The following ATG13 variants were observed in gnomAD, a reference collection of about 807,000 sequenced individuals.
ATG13 encodes the protein autophagy-related protein 13.
ATG13 carries 23 observed loss-of-function variants against 65.5 expected under a neutral mutation model. The observed-to-expected ratio is 0.35, with a 90% CI of 0.25 to 0.50. The LOEUF is 0.50. Among genes scored for constraint, ATG13 ranks in the 20% least tolerant of loss-of-function variants. The pLI is 0.98. For missense variants in ATG13, 566 were observed against 677.0 expected (o/e 0.84, Z 1.82); for synonymous variants, 252 against 245.2 (o/e 1.03, Z -0.26).
chr11:46,640,975 T>A (rs190202160), intron 2 of ATG13, among the ~76,000 whole-genome samples: 2 of 152,358 alleles, frequency 1.3e-5, no homozygotes, highest in Admixed American at 1.3e-4. Context: ...TTCCTGACTT[T>A]GTCTCTGATA....
At chr11:46,670,869 T>C (rs768536998) in intron 18 of ATG13, among the ~76,000 whole-genome samples, 8 of 152,138 alleles carry the variant, frequency 5.3e-5, no homozygotes, top group Non-Finnish European at 1.2e-4. Context: ...GGCATTTTTC[T>C]AAGTGTTTTA....
At chr11:46,627,481 T>C (rs1264843367) in intron 1 of ATG13, among the ~76,000 whole-genome samples, 3 of 152,030 alleles carry the variant, frequency 2.0e-5, no homozygotes, top group African/African-American at 7.2e-5. Context: ...GTTTAAAAGC[T>C]TTTTTTGAGA....
chr11:46,647,131 T>C (rs2057760532), intron 5 of ATG13, among the ~76,000 whole-genome samples: 1 of 152,186 alleles, frequency 6.6e-6, no homozygotes, highest in Non-Finnish European at 1.5e-5. Context: ...CCTTCAAGAC[T>C]CGCGTGCTCT....
chr11:46,667,702 T>C, intron 14 of ATG13, 71 bp from the exon 15 acceptor site: 1 of 1,184,482 alleles, frequency 8.4e-7, no homozygotes, highest in Non-Finnish European at 1.2e-6. Flanking sequence ...CACCAGATGG[T>C]GTATTTATAG....
intron 2 of ATG13, among the ~76,000 whole-genome samples, chr11:46,643,980 A>G (rs549531403): frequency 1.0e-3 from 157 of 152,328 alleles, no homozygotes; most frequent in African/African-American, 3.8e-3. Context: ...TTAGTCCTGA[A>G]TCTGCTGGAT....
chr11:46,662,992 G>A (rs145519799), intron 11 of ATG13, among the ~76,000 whole-genome samples: 7 of 152,194 alleles, frequency 4.6e-5, no homozygotes, highest in East Asian at 1.9e-4. Context: ...CAGTCCAGGC[G>A]CGGTGGCTCA....
Position 46,667,874 on chromosome 11 carries a change from A to G in ATG13, c.1238A>G (p.Lys413Arg), listed in dbSNP as rs149915970. 2.2e-4 allele frequency: 357 copies of G among 1,610,030 alleles called. 3 individuals are homozygous for G. In the African/African-American group the frequency reaches 3.8e-3, roughly 17 times the overall value. Residue 413 changes from lysine to arginine, a missense_variant, in exon 15 of 19, where the codon AAA (lysine) becomes AGA (arginine). Around this residue, in one of 2 missense-constraint regions of ATG13, gnomAD observed 387 missense variants for 409.8 expected, o/e 0.94. Transcript: ENST00000683050. ...FVRKVGAFVN[K>R]PINQVTLTSL... is the part of the protein sequence containing the mutation. Reference sequence around the variant, plus strand: ...CGAAAAGTGGGGGCTTTTGTCAACAAACCCATTAACCAGGTGATTTTTCTG... The same window carrying G: ...CGAAAAGTGGGGGCTTTTGTCAACAGACCCATTAACCAGGTGATTTTTCTG...
At position 46,657,578 on chromosome 11, in the gene ATG13, C is replaced by T. The variant is rs1360715841; in HGVS notation, c.651C>T (p.Asp217=). ...GGATTATTATTGATCACTTTGTGGA[C>T]CGTCCCTATCCCAGCTCCTCTCCCA... ...IMGIIIDHFV[D]RPYPSSSPMH... Residue 217 remains aspartate (D), a synonymous_variant, in exon 10 of 19, where the codon GAC becomes GAT. Transcript: ENST00000683050. 1 of 1,612,958 alleles carries T rather than the reference C, an allele frequency of 6.2e-7. No individual in the cohort carries two copies. The highest frequency in any genetic ancestry group is 8.5e-7 in the Non-Finnish European group (1 of 1,179,478).
chr11:46,668,872 A>T lies in ATG13; in HGVS notation c.1408A>T (p.Ser470Cys). Residue 470 changes from serine to cysteine, a missense_variant, in exon 17 of 19, where the codon AGT becomes TGT. Physicochemically the swap from Ser to Cys is moderately radical, Grantham distance 112. This residue lies in a region of ATG13 where 387 missense variants were observed against 409.8 expected (regional missense o/e 0.94). Coordinates refer to ENST00000683050, the MANE Select transcript of ATG13 (RefSeq NM_001346311.2). ...CTCAGATGGCTCCAGCGGGGGCAGC[A>T]GTGGCAATACCCATGATGACTTTGT... Reference protein sequence around the residue: ...LHSDGSSGGSSGNTHDDFVMI... With the variant: ...LHSDGSSGGSCGNTHDDFVMI... 6.2e-7 allele frequency: 1 copy of T among 1,614,058 alleles called. No homozygotes were observed. The highest frequency in any genetic ancestry group is 8.5e-7 in the Non-Finnish European group (1 of 1,180,018).
At chr11:46,644,725 A>G (rs1410822760) in intron 3 of ATG13, among the ~76,000 whole-genome samples, 1 of 152,094 alleles carries the variant, frequency 6.6e-6, no homozygotes, top group African/African-American at 2.4e-5. Context: ...CTTAAGTTTC[A>G]AGTAATCCTG....
At chr11:46,657,706 A>C (rs2060319434) in intron 10 of ATG13, 84 bp downstream of exon 10, 3 of 1,260,858 alleles carry the variant, frequency 2.4e-6, no homozygotes, top group Admixed American at 2.3e-5. Context: ...CACTTTTCTC[A>C]GCACTCACTC....
At chr11:46,654,791 A>G (rs908334834) in intron 7 of ATG13, among the ~76,000 whole-genome samples, 1 of 151,066 alleles carries the variant, frequency 6.6e-6, no homozygotes, top group Non-Finnish European at 1.5e-5. Context: ...TCTACCAAAA[A>G]TTATTTTTAA....
chr11:46,644,501 C>A, intron 3 of ATG13, 141 bp downstream of exon 3: 2 of 664,246 alleles, frequency 3.0e-6, no homozygotes, highest in Non-Finnish European at 2.5e-6. Flanking sequence ...TGTTGTCAAC[C>A]AAACTGTGAG....
intron 7 of ATG13, among the ~76,000 whole-genome samples, chr11:46,652,729 C>T (rs929049544): frequency 1.3e-5 from 2 of 151,982 alleles, no homozygotes; most frequent in Non-Finnish European, 2.9e-5. Flanking sequence ...ATACACATTG[C>T]CAAGAAAAAG....
intron 1 of ATG13, among the ~76,000 whole-genome samples, chr11:46,624,946 G>T (rs2048979509): frequency 6.6e-6 from 1 of 151,982 alleles, no homozygotes; most frequent in Non-Finnish European, 1.5e-5. Flanking sequence ...GCTTGAGCCT[G>T]GGAGGTCCAG....
At chr11:46,641,519 T>G (rs1319043704) in intron 2 of ATG13, among the ~76,000 whole-genome samples, 1 of 152,182 alleles carries the variant, frequency 6.6e-6, no homozygotes, top group Admixed American at 6.6e-5. Flanking sequence ...AAAGTTAGTA[T>G]TATTGATTAT....
chr11:46,658,154 A>G (rs1034576983), intron 10 of ATG13, among the ~76,000 whole-genome samples: 2 of 152,178 alleles, frequency 1.3e-5, no homozygotes, highest in Admixed American at 1.3e-4. Context: ...TCCTTGACAA[A>G]TTAATTGGTT....
rs772712601 is a variant in ATG13 at position 46,644,408 on chromosome 11, G to A, written c.69+48G>A. 1.2e-5 allele frequency: 18 copies of A among 1,485,296 alleles called. No individual in the cohort carries two copies. In the Admixed American group the frequency reaches 1.3e-4, roughly 10 times the overall value. 92.0% of individuals were successfully genotyped at this position (1,485,296 alleles called of 1,614,324 possible). A position where few individuals can be genotyped will look rare whatever the true frequency, so the allele number is the denominator to read the frequency against. The stretch of plus-strand genomic sequence containing the variant: ...CCTAGAACTGTTAGAAATAACTTCC[G>A]TGCTTCTCCCTTTTGCGAACAACTC... On this transcript the variant is annotated intron_variant, in intron 3 of 18. Coordinates refer to ENST00000683050, the MANE Select transcript of ATG13 (RefSeq NM_001346311.2).
intron 2 of ATG13, among the ~76,000 whole-genome samples, chr11:46,634,265 T>G (rs796500057): frequency 5.8e-4 from 88 of 151,476 alleles, no homozygotes; most frequent in African/African-American, 2.1e-3. Flanking sequence ...CCAGCTAACG[T>G]TTTTTTGCAT....
Sources: allele counts gnomAD v4.1 joint callset (sites outside exome capture counted in the v4.1 genomes callset), GRCh38; gene constraint gnomAD v4.1.1; regional missense constraint gnomAD v4.1.1; transcripts MANE v1.5; gene names NCBI Gene and HGNC (gene_info 2026-07-23, HGNC 2026-07-21).